The following SLCO1A2 variants were observed in gnomAD, a reference collection of about 807,000 sequenced individuals.
The protein encoded by SLCO1A2 is OATP-1.
SLCO1A2 carries 67 observed loss-of-function variants against 69.0 expected under a neutral mutation model. That is an observed-to-expected ratio of 0.97 (90% CI 0.80 to 1.19). The LOEUF (loss-of-function observed/expected upper bound fraction) is 1.19, where lower values mean the gene tolerates loss of function less well. Ranked by LOEUF, SLCO1A2 falls within the 50% of genes most tolerant of loss-of-function variation. The pLI, the probability that SLCO1A2 is intolerant of heterozygous loss-of-function variation, is 0.00. For missense variants in SLCO1A2, 787 were observed against 793.7 expected, an observed-to-expected ratio of 0.99 and a Z score of 0.10; for synonymous variants, 260 against 265.9, an observed-to-expected ratio of 0.98 and a Z score of 0.22.
chr12:21,397,037 G>A (rs1565531041), upstream of SLCO1A2, among the ~76,000 whole-genome samples: 3 of 151,804 alleles, frequency 2.0e-5, no homozygotes, highest in East Asian at 5.8e-4. Context: ...AACTTTAAAT[G>A]TAAATGGACT....
intron 2 of SLCO1A2, among the ~76,000 whole-genome samples, chr12:21,344,388 T>C (rs1953186452): frequency 1.3e-5 from 2 of 152,104 alleles, no homozygotes; most frequent in African/African-American, 4.8e-5. Context: ...CTTTCCATAG[T>C]GTTCCATACC....
chr12:21,322,099 A>G (rs541948668), intron 2 of SLCO1A2, among the ~76,000 whole-genome samples: 3 of 152,350 alleles, frequency 2.0e-5, no homozygotes, highest in South Asian at 2.1e-4. Flanking sequence ...ATAAAATCAA[A>G]TAAGATTAAA....
intron 3 of SLCO1A2, among the ~76,000 whole-genome samples, chr12:21,315,562 C>T (rs1284407204): frequency 6.6e-6 from 1 of 152,052 alleles, no homozygotes; most frequent in South Asian, 2.1e-4. Flanking sequence ...AATTTTTTTT[C>T]CTCAAGGAGT....
chr12:21,398,675 C>T (rs935763470), upstream of SLCO1A2, among the ~76,000 whole-genome samples: 2 of 151,638 alleles, frequency 1.3e-5, no homozygotes, highest in East Asian at 3.9e-4. Context: ...AGCTTATCCA[C>T]CATGATCAAG....
intron 4 of SLCO1A2, among the ~76,000 whole-genome samples, chr12:21,312,659 A>C (rs1464711459): frequency 6.6e-6 from 1 of 152,148 alleles, no homozygotes; most frequent in Non-Finnish European, 1.5e-5. Context: ...TATTATAATA[A>C]TTGGCCTAAT....
chr12:21,371,633 A>G (rs367683549), intron 2 of SLCO1A2, among the ~76,000 whole-genome samples: 1 of 152,196 alleles, frequency 6.6e-6, no homozygotes, highest in South Asian at 2.1e-4. Flanking sequence ...ATTTTCACTG[A>G]CAATTGAAAT....
intron 2 of SLCO1A2, among the ~76,000 whole-genome samples, chr12:21,323,652 A>G (rs1188536194): frequency 2.6e-5 from 4 of 152,222 alleles, no homozygotes; most frequent in African/African-American, 7.2e-5. Flanking sequence ...GGAGTCTTAT[A>G]TCCAGAAGGC....
At position 21,295,775 on chromosome 12, in the gene SLCO1A2, G is replaced by T. The variant is rs1191154887; in HGVS notation, c.1093C>A (p.Pro365Thr). The T allele has an allele frequency of 1.3e-6, 2 of 1,551,668 alleles. No individual in the cohort carries two copies. The highest frequency in any genetic ancestry group is 1.8e-6 in the Non-Finnish European group (2 of 1,128,462). Residue 365 changes from proline (P) to threonine (T), a missense_variant, in exon 10 of 15, where the codon CCA becomes ACA. Pro to Thr is a conservative substitution (Grantham distance 38). Transcript: ENST00000683939. ...IFLMGIYNLP[P>T]ICIGYIIGGL... ...CCAATTATATATCCAATACATATTG[G>T]AGGTAAGTTATAAATACCTATAAAT...
At chr12:21,270,388 T>G (rs1942592480) in intron 14 of SLCO1A2, among the ~76,000 whole-genome samples, 1 of 151,772 alleles carries the variant, frequency 6.6e-6, no homozygotes, top group Admixed American at 6.6e-5. Context: ...TATACATTAC[T>G]AGATTCAATT....
Position 21,269,514 on chromosome 12 carries a change from C to G in SLCO1A2, c.*34G>C, listed in dbSNP as rs200389013. ...AAACAATTAAGTTGTACAGCATGTT[C>G]TCTAATTCTGAAAAAAGTAATATAA... On this transcript the variant is annotated 3_prime_UTR_variant, in exon 15 of 15. Coordinates refer to ENST00000683939, the MANE Select transcript of SLCO1A2 (RefSeq NM_001386879.1). 7.4e-6 allele frequency: 11 copies of G among 1,490,678 alleles called. No individual in the cohort carries two copies. Among genetic ancestry groups the G allele is most frequent in the Middle Eastern group, 1.8e-4 (1 of 5,552 alleles). 92.3% of individuals were successfully genotyped at this position (1,490,678 alleles called of 1,614,324 possible).
intron 2 of SLCO1A2, chr12:21,372,770 G>A (rs11836625): frequency 0.036 from 5,679 of 155,632 alleles, 132 homozygotes; most frequent in Middle Eastern, 0.069. Flanking sequence ...TGACCCATCC[G>A]CTTCTGCTGC....
chr12:21,271,278 A>G (rs1408088371), intron 14 of SLCO1A2, among the ~76,000 whole-genome samples: 1 of 151,822 alleles, frequency 6.6e-6, no homozygotes, highest in African/African-American at 2.4e-5. Context: ...TTGGAAGCTG[A>G]TATCAGAAAC....
chr12:21,400,530 T>A (rs1466722744), intron 1 of SLCO1A2, among the ~76,000 whole-genome samples: 1 of 152,000 alleles, frequency 6.6e-6, no homozygotes, highest in Admixed American at 6.6e-5. Context: ...TTACTGGGTA[T>A]ATACCCAAAC....
At chr12:21,306,734 C>T in intron 5 of SLCO1A2, 148 bp downstream of exon 5, 1 of 526,336 alleles carries the variant, frequency 1.9e-6, no homozygotes, top group South Asian at 3.4e-5. Flanking sequence ...ATTCTTATTG[C>T]CCATTGTAAC....
chr12:21,367,426 G>A (rs557617823), intron 2 of SLCO1A2, among the ~76,000 whole-genome samples: 4 of 152,194 alleles, frequency 2.6e-5, no homozygotes, highest in African/African-American at 9.6e-5. Flanking sequence ...CAGTCAGTTT[G>A]GAGAAAAGCA....
rs1942436196 is a variant in SLCO1A2, at chr12:21,269,674, A to G, written c.1887T>C (p.Pro629=). 6.8e-6 allele frequency: 11 copies of G among 1,612,762 alleles called. No individual in the cohort carries two copies. The highest frequency in any genetic ancestry group is 9.3e-6 in the Non-Finnish European group (11 of 1,179,110). Reference sequence around the variant, plus strand: ...CTGTTCCTGAAGAGGCATTTTCACCAGGTAGATGACACTTCCTCAAAAGAA... The same window carrying G: ...CTGTTCCTGAAGAGGCATTTTCACCGGGTAGATGACACTTCCTCAAAAGAA... ...ILILLRKCHL[P]GENASSGTEL... is the part of the protein sequence containing the mutation. The change falls in exon 15 of 15, where the codon CCT becomes CCC. Residue 629 remains proline, a synonymous_variant. Coordinates refer to ENST00000683939, the MANE Select transcript of SLCO1A2 (RefSeq NM_001386879.1).
At chr12:21,379,302 G>C (rs996453498) in intron 1 of SLCO1A2, 4 of 152,168 alleles carry the variant, frequency 2.6e-5, no homozygotes, top group African/African-American at 9.7e-5. Flanking sequence ...GTATAAAACT[G>C]CTTTGTATCC....
At chr12:21,329,634 C>T (rs1952479517) in intron 2 of SLCO1A2, among the ~76,000 whole-genome samples, 1 of 151,702 alleles carries the variant, frequency 6.6e-6, no homozygotes, top group African/African-American at 2.4e-5. Flanking sequence ...ATCTCCCTAC[C>T]ATAGGTAACC....
At chr12:21,403,903 T>C (rs1941779875) in intron 1 of SLCO1A2, among the ~76,000 whole-genome samples, 1 of 152,104 alleles carries the variant, frequency 6.6e-6, no homozygotes, top group African/African-American at 2.4e-5. Context: ...ATATAATATG[T>C]TAATGTACTC....
Sources: allele counts gnomAD v4.1 joint callset (sites outside exome capture counted in the v4.1 genomes callset), GRCh38; gene constraint gnomAD v4.1.1; transcripts MANE v1.5; gene names NCBI Gene and HGNC (gene_info 2026-07-23, HGNC 2026-07-21).